The following STAT2 variants were observed in gnomAD, a reference collection of about 807,000 sequenced individuals.
The protein encoded by STAT2 is signal transducer and activator of transcription 2.
Under a neutral mutation model 122.3 loss-of-function variants are expected in STAT2, and 51 were observed. That is an observed-to-expected ratio of 0.42 (90% CI 0.33 to 0.53). STAT2 has a LOEUF of 0.53. Ranked by LOEUF, STAT2 falls within the 20% of genes least tolerant of loss-of-function variation. STAT2 has a pLI of 0.10. For synonymous variants in STAT2, 351 were observed against 394.9 expected (o/e 0.89, Z 1.32); for missense variants, 736 against 1,010.3 (o/e 0.73, Z 3.68).
chr12:56,346,296 C>A, intron 21 of STAT2, 93 bp from the exon 22 acceptor site: 1 of 1,566,506 alleles, frequency 6.4e-7, no homozygotes, highest in South Asian at 1.1e-5. Flanking sequence ...GCAGTCTCAT[C>A]CCCATAGTAA....
At chr12:56,357,458 A>C (rs1212066294) in intron 1 of STAT2, among the ~76,000 whole-genome samples, 2 of 150,752 alleles carry the variant, frequency 1.3e-5, no homozygotes, top group South Asian at 2.1e-4. Context: ...CTCCTGCCTC[A>C]GCCTCCCGAG....
chr12:56,343,752 C>T, intron 23 of STAT2, 73 bp downstream of exon 23: 1 of 1,577,962 alleles, frequency 6.3e-7, no homozygotes, highest in South Asian at 1.2e-5. Context: ...TCAGCTTTTT[C>T]TGTAATGGGA....
rs769538496 is a variant in STAT2, at chr12:56,343,327, A to G, written c.*62T>C. Reference sequence around the variant, plus strand: ...GCCTGATTCCCATCCTTGGAGAACAATATCATGCTATGAGGAGTAGGAAGG... The same window carrying G: ...GCCTGATTCCCATCCTTGGAGAACAGTATCATGCTATGAGGAGTAGGAAGG... On this transcript the variant is annotated 3_prime_UTR_variant, in exon 24 of 24. Transcript: ENST00000314128. The G allele has an allele frequency of 1.6e-5, 25 of 1,571,930 alleles. No homozygotes were observed. Among genetic ancestry groups the G allele is most frequent in the Admixed American group, 5.3e-5 (3 of 56,098 alleles).
chr12:56,350,276 AT>A, intron 12 of STAT2, 86 bp from the exon 13 acceptor site: 2 of 1,445,222 alleles, frequency 1.4e-6, no homozygotes, highest in Non-Finnish European at 1.9e-6. Flanking sequence ...GTTCCACTTC[AT>A]TTCAGATCTC....
intron 8 of STAT2, 68 bp from the exon 9 acceptor site, chr12:56,351,518 T>G (rs1878477702): frequency 6.5e-7 from 1 of 1,542,950 alleles, no homozygotes; most frequent in Non-Finnish European, 8.7e-7. Flanking sequence ...GGTTCCAAGA[T>G]CTCTCTGTAA....
At chr12:56,347,079 T>G (rs1877599278) in intron 19 of STAT2, 124 bp from the exon 20 acceptor site, 2 of 1,412,386 alleles carry the variant, frequency 1.4e-6, no homozygotes, top group Non-Finnish European at 1.9e-6. Context: ...GACCAAGCCC[T>G]GCCACTTAGC....
chr12:56,349,731 A>G, intron 13 of STAT2, 95 bp from the exon 14 acceptor site: 1 of 1,491,154 alleles, frequency 6.7e-7, no homozygotes, highest in Non-Finnish European at 9.3e-7. Flanking sequence ...AGCCCTGGGA[A>G]CTTCCCCCAA....
At position 56,346,349 on chromosome 12, in the gene STAT2, T is replaced by C. The variant is rs1370785947; in HGVS notation, c.2044+93A>G. On this transcript the variant is annotated intron_variant, in intron 21 of 23. Coordinates refer to ENST00000314128, the MANE Select transcript of STAT2 (RefSeq NM_005419.4). ...ACGAATCCCTTAATTCCTCTAGATA[T>C]CAGTTTTCCCATGCTTTAAAGGAAG... 9 of 1,564,978 alleles carry C rather than the reference T, an allele frequency of 5.8e-6. No individual in the cohort carries two copies. In the East Asian group the frequency reaches 1.6e-4, roughly 27 times the overall value.
intron 22 of STAT2, among the ~76,000 whole-genome samples, chr12:56,345,336 A>T (rs1212094803): frequency 1.4e-5 from 2 of 147,716 alleles, no homozygotes; most frequent in African/African-American, 2.5e-5. Flanking sequence ...CAAAAAATTT[A>T]AAAAATTAGC....
intron 22 of STAT2, among the ~76,000 whole-genome samples, chr12:56,344,594 G>C (rs183037708): frequency 3.3e-5 from 5 of 152,368 alleles, no homozygotes; most frequent in Admixed American, 2.6e-4. Context: ...TCTCAGGCCA[G>C]GCATGGTGGC....
Position 56,355,256 on chromosome 12 carries a change from C to T in STAT2, c.547+20G>A, listed in dbSNP as rs1406655344. On this transcript the variant is annotated intron_variant, in intron 6 of 23. Transcript: ENST00000314128. ...TCAGCAGGCACTTATCTTTCTCCAGCCCCTCAATGTGCTTCCTACCTTTGG... is the reference window on the plus strand; with the variant it reads ...TCAGCAGGCACTTATCTTTCTCCAGTCCCTCAATGTGCTTCCTACCTTTGG... 3.7e-6 allele frequency: 6 copies of T among 1,613,850 alleles called. No individual in the cohort carries two copies. In the African/African-American group the frequency reaches 5.3e-5, roughly 14 times the overall value.
Position 56,346,878 on chromosome 12 carries a change from C to T in STAT2, c.1802G>A (p.Arg601His), listed in dbSNP as rs1366152782. 3.7e-6 allele frequency: 6 copies of T among 1,614,176 alleles called. No homozygotes were observed. The highest frequency in any genetic ancestry group is 3.3e-4 in the Middle Eastern group (2 of 6,062). ...GCCCCCTTCTGACGATTCACTGAAG[C>T]GCAGTAGAAAGGTGCCAGACATGGT... ...KKTMSGTFLL[R>H]FSESSEGGIT... The change falls in exon 20 of 24, where the codon CGC (arginine) becomes CAC (histidine). Residue 601 changes from arginine to histidine, a missense_variant. Transcript: ENST00000314128.
chr12:56,356,286 C>T lies in STAT2; in HGVS notation c.132-1G>A. ...ATCACTCCCAAGTGCAGCTTCCTGCCTGGGCACCAGGAATAAGAAGTATTA... is the reference window on the plus strand; with the variant it reads ...ATCACTCCCAAGTGCAGCTTCCTGCTTGGGCACCAGGAATAAGAAGTATTA... On this transcript the variant is annotated splice_acceptor_variant, in intron 2 of 23. Coordinates refer to ENST00000314128, the MANE Select transcript of STAT2 (RefSeq NM_005419.4). LOFTEE classifies it high-confidence loss of function. The T allele has an allele frequency of 6.2e-7, 1 of 1,610,936 alleles. No homozygotes were observed. The highest frequency in any genetic ancestry group is 8.5e-7 in the Non-Finnish European group (1 of 1,179,910).
At position 56,346,975 on chromosome 12, in the gene STAT2, T is replaced by C. The variant is rs771971407; in HGVS notation, c.1725-20A>G. The C allele has an allele frequency of 1.9e-6, 3 of 1,613,420 alleles. No individual in the cohort carries two copies. Among genetic ancestry groups the C allele is most frequent in the South Asian group, 2.2e-5 (2 of 91,062 alleles). ...ATGCGTCTGGAGCACAGAGAGCAGCTGTGAGACACCGCCCAACACCCTGCC... is the reference window on the plus strand; with the variant it reads ...ATGCGTCTGGAGCACAGAGAGCAGCCGTGAGACACCGCCCAACACCCTGCC... On this transcript the variant is annotated intron_variant, in intron 19 of 23. Transcript: ENST00000314128.
At chr12:56,349,836 G>A in intron 13 of STAT2, 200 bp from the exon 14 acceptor site, 1 of 713,558 alleles carries the variant, frequency 1.4e-6, no homozygotes. Context: ...ATCACCTGAG[G>A]TCAGGAGTTC....
chr12:56,346,924 C>G lies in STAT2; in HGVS notation c.1756G>C (p.Glu586Gln). 1 of 1,614,186 alleles carries G rather than the reference C, an allele frequency of 6.2e-7. No homozygotes were observed. The highest frequency in any genetic ancestry group is 8.5e-7 in the Non-Finnish European group (1 of 1,180,036). Residue 586 changes from glutamate to glutamine, a missense_variant, in exon 20 of 24, where the codon GAG becomes CAG. Physicochemically the swap from Glu to Gln is conservative, Grantham distance 29. Coordinates refer to ENST00000314128, the MANE Select transcript of STAT2 (RefSeq NM_005419.4). ...ATGGTCTTCTTCAGCAGCCGGCGCT[C>G]CTGGCTCCGACTCACAAAGCCCATG... ...RIMGFVSRSQ[E>Q]RRLLKKTMSG...
chr12:56,348,480 C>T (rs752173117), intron 19 of STAT2, 49 bp downstream of exon 19: 3 of 1,602,882 alleles, frequency 1.9e-6, no homozygotes, highest in South Asian at 2.2e-5. Context: ...ACTCCACTCT[C>T]AAGCCCGGAA....
chr12:56,348,236 T>C (rs1270020553), intron 19 of STAT2, among the ~76,000 whole-genome samples: 1 of 151,880 alleles, frequency 6.6e-6, no homozygotes, highest in Non-Finnish European at 1.5e-5. Flanking sequence ...TACAGGTGTC[T>C]GCCACCACGC....
intron 13 of STAT2, 61 bp downstream of exon 13, chr12:56,350,036 G>C: frequency 6.8e-7 from 1 of 1,465,436 alleles, no homozygotes; most frequent in Non-Finnish European, 9.5e-7. Flanking sequence ...GGGACAGAGT[G>C]AGACTCCGTC....
Sources: gnomAD v4.1 joint callset for allele counts (sites outside exome capture counted in the v4.1 genomes callset) on GRCh38, gnomAD v4.1.1 for gene constraint, MANE v1.5 for transcripts, NCBI Gene and HGNC (gene_info 2026-07-23, HGNC 2026-07-21) for gene names.